Variants in SOX6 observed in about 807,000 individuals in gnomAD.
SOX6 encodes SRY-box transcription factor 6.
A neutral mutation model predicts 97.8 loss-of-function variants in SOX6; 11 were observed. The ratio of observed to expected loss-of-function variants is 0.11; its 90% CI spans 0.07 to 0.19. SOX6 has a LOEUF of 0.19. SOX6 is among the 10% of genes least tolerant of loss of function. The pLI, the probability that SOX6 is intolerant of heterozygous loss-of-function variation, is 1.00. For synonymous variants in SOX6, 360 were observed against 371.4 expected (o/e 0.97, Z 0.35); for missense variants, 810 against 1,039.5 (o/e 0.78, Z 3.04).
At chr11:16,649,082 GA>G (rs893035116) in intron 3 of SOX6, among the ~76,000 whole-genome samples, 6 of 149,644 alleles carry the variant, frequency 4.0e-5, no homozygotes, top group African/African-American at 7.4e-5. Context: ...AAAAAAGAAG[GA>G]AAAAAAAAGA....
intron 12 of SOX6, chr11:16,015,409 G>C: frequency 4.1e-6 from 1 of 243,538 alleles, no homozygotes. Flanking sequence ...TAAAATACAC[G>C]GCTCAATTTA....
intron 3 of SOX6, among the ~76,000 whole-genome samples, chr11:16,244,319 T>C (rs572763559): frequency 9.9e-5 from 15 of 151,960 alleles, no homozygotes; most frequent in African/African-American, 3.1e-4. Context: ...ATTTTGCCCA[T>C]TTTTACACTG....
chr11:16,116,558 G>C (rs541846052), intron 6 of SOX6, among the ~76,000 whole-genome samples: 8 of 152,288 alleles, frequency 5.3e-5, no homozygotes, highest in African/African-American at 1.7e-4. Flanking sequence ...AAAGAATACA[G>C]AGAGATCACA....
At chr11:16,525,503 A>G (rs1861143050) in intron 4 of SOX6, among the ~76,000 whole-genome samples, 1 of 152,044 alleles carries the variant, frequency 6.6e-6, no homozygotes. Flanking sequence ...AAAGACTTAA[A>G]CGTTAGACAT....
At chr11:16,737,861 A>G (rs957529803) in intron 1 of SOX6, among the ~76,000 whole-genome samples, 2 of 152,202 alleles carry the variant, frequency 1.3e-5, no homozygotes, top group Non-Finnish European at 2.9e-5. Flanking sequence ...TTTTTAAAAA[A>G]TGGTTAATTT....
At chr11:16,679,849 A>G (rs188073779) in intron 3 of SOX6, among the ~76,000 whole-genome samples, 69 of 152,342 alleles carry the variant, frequency 4.5e-4, no homozygotes, top group African/African-American at 1.7e-3. Context: ...CAAGTGGAAG[A>G]AAGGATATCA....
intron 2 of SOX6, among the ~76,000 whole-genome samples, chr11:16,725,796 A>C (rs749270845): frequency 3.3e-5 from 5 of 152,198 alleles, no homozygotes; most frequent in Non-Finnish European, 5.9e-5. Flanking sequence ...TAGGAAAATT[A>C]AGTGTTTTTT....
intron 9 of SOX6, among the ~76,000 whole-genome samples, chr11:16,072,729 T>C (rs1312339798): frequency 6.6e-6 from 1 of 152,198 alleles, no homozygotes; most frequent in Non-Finnish European, 1.5e-5. Flanking sequence ...GGGAACCCCA[T>C]TAAGCTAATA....
intron 1 of SOX6, among the ~76,000 whole-genome samples, chr11:16,400,015 C>A (rs1858506155): frequency 6.6e-6 from 1 of 151,312 alleles, no homozygotes; most frequent in African/African-American, 2.4e-5. Context: ...TCCATTGAAA[C>A]TGAAGAATGT....
At chr11:16,447,453 C>CTCTGTCTT (rs5789955) in intron 1 of SOX6, among the ~76,000 whole-genome samples, 3 of 150,774 alleles carry the variant, frequency 2.0e-5, no homozygotes, top group African/African-American at 7.3e-5. Flanking sequence ...TTCTCTCTCT[C>CTCTGTCTT]TCTTTCTTTC....
intron 3 of SOX6, among the ~76,000 whole-genome samples, chr11:16,262,973 A>C (rs554340453): frequency 2.0e-5 from 3 of 152,070 alleles, no homozygotes; most frequent in African/African-American, 4.8e-5. Flanking sequence ...CTCTATTCTC[A>C]AACATCACAA....
intron 9 of SOX6, among the ~76,000 whole-genome samples, chr11:16,071,386 C>T (rs1848221017): frequency 6.6e-6 from 1 of 152,360 alleles, no homozygotes; most frequent in African/African-American, 2.4e-5. Flanking sequence ...GCAGGTGCAG[C>T]TTCCTGATGT....
intron 3 of SOX6, among the ~76,000 whole-genome samples, chr11:16,645,176 A>T (rs1189906132): frequency 6.6e-6 from 1 of 151,910 alleles, no homozygotes; most frequent in Non-Finnish European, 1.5e-5. Flanking sequence ...TTTCAATCAA[A>T]TTTTTTTTCT....
chr11:16,627,882 C>A (rs2133993474), intron 3 of SOX6, among the ~76,000 whole-genome samples: 1 of 152,224 alleles, frequency 6.6e-6, no homozygotes. Flanking sequence ...AGGCTGAAGT[C>A]CAGAATGGTG....
intron 2 of SOX6, among the ~76,000 whole-genome samples, chr11:16,325,906 T>C (rs989485369): frequency 3.3e-5 from 5 of 152,158 alleles, no homozygotes; most frequent in African/African-American, 9.7e-5. Context: ...CCTTCCGCCA[T>C]GTGAGGACAC....
At chr11:16,465,202 T>C (rs1406410835) in intron 1 of SOX6, among the ~76,000 whole-genome samples, 1 of 152,192 alleles carries the variant, frequency 6.6e-6, no homozygotes. Context: ...TTCTCCCAGA[T>C]ATTGCCATTT....
intron 3 of SOX6, among the ~76,000 whole-genome samples, chr11:16,291,344 C>T (rs1854909393): frequency 7.7e-6 from 1 of 129,100 alleles, no homozygotes; most frequent in Non-Finnish European, 1.7e-5. Flanking sequence ...TAAGTAATAT[C>T]CTGCTCAATA....
chr11:16,654,048 CTCTGAGT>C (rs983051581), intron 3 of SOX6, among the ~76,000 whole-genome samples: 5 of 152,100 alleles, frequency 3.3e-5, no homozygotes, highest in Non-Finnish European at 7.3e-5. Flanking sequence ...CACACCTTCA[CTCTGAGT>C]TCATCTTTCT....
chr11:16,043,785 G>A (rs1855747086), intron 12 of SOX6, among the ~76,000 whole-genome samples: 1 of 152,160 alleles, frequency 6.6e-6, no homozygotes, highest in Non-Finnish European at 1.5e-5. Flanking sequence ...TGGAAATGCT[G>A]TTGGTAGCTA....
Sources: gnomAD v4.1 joint callset for allele counts (sites outside exome capture counted in the v4.1 genomes callset) on GRCh38, gnomAD v4.1.1 for gene constraint, MANE v1.5 for transcripts, NCBI Gene and HGNC (gene_info 2026-07-23, HGNC 2026-07-21) for gene names.